The following RUNX1T1 variants were observed in gnomAD, a reference collection of about 807,000 sequenced individuals.
The protein encoded by RUNX1T1 is protein CBFA2T1.
Under a neutral mutation model 62.8 loss-of-function variants are expected in RUNX1T1, and 4 were observed. The ratio of observed to expected loss-of-function variants is 0.06; its 90% CI spans 0.03 to 0.15. RUNX1T1 has a LOEUF of 0.15. RUNX1T1 is among the 10% of genes least tolerant of loss of function. The pLI is 1.00. For synonymous variants in RUNX1T1, 291 were observed against 286.0 expected (o/e 1.02, Z -0.18); for missense variants, 508 against 754.3 (o/e 0.67, Z 3.82).
chr8:92,004,831 C>T, intron 5 of RUNX1T1: 3 of 291,186 alleles, frequency 1.0e-5, no homozygotes, highest in Non-Finnish European at 1.9e-5. Flanking sequence ...TAAGAGCCAT[C>T]AGTGGTACTT....
At chr8:92,099,420 A>C (rs1837939286) in intron 1 of RUNX1T1, among the ~76,000 whole-genome samples, 2 of 152,328 alleles carry the variant, frequency 1.3e-5, no homozygotes, top group South Asian at 2.1e-4. Context: ...TCCATAATAA[A>C]TAACTTCTAT....
upstream of RUNX1T1, among the ~76,000 whole-genome samples, chr8:92,067,791 T>C (rs1402085220): frequency 6.6e-6 from 1 of 152,208 alleles, no homozygotes; most frequent in Non-Finnish European, 1.5e-5. Context: ...ACAAAATCTA[T>C]ATCTGTAATT....
In RUNX1T1 at chr8:91,964,700, G is replaced by C. The variant is rs886278247; in HGVS notation, c.1459-4183C>G. ...AAATTAAAAATATTCTTTCTAAAAT[G>C]CCACACTTTGTCAACTTCAGATCTT... On this transcript the variant is annotated intron_variant, in intron 10 of 10. Coordinates refer to ENST00000396218, the Ensembl canonical transcript of RUNX1T1. Among the ~76,000 whole-genome samples the C allele has an allele frequency of 2.3e-4, 35 of 152,160 alleles. 1 individual carries two copies. Among genetic ancestry groups the C allele is most frequent in the African/African-American group, 8.4e-4 (35 of 41,430 alleles).
upstream of RUNX1T1, among the ~76,000 whole-genome samples, chr8:92,064,908 G>A (rs1832646137): frequency 1.3e-5 from 2 of 152,136 alleles, no homozygotes; most frequent in South Asian, 4.1e-4. Context: ...TCTGACTACA[G>A]TAATTGCCAC....
At chr8:92,057,481 G>A (rs1831225566) in intron 1 of RUNX1T1, among the ~76,000 whole-genome samples, 1 of 152,188 alleles carries the variant, frequency 6.6e-6, no homozygotes, top group Non-Finnish European at 1.5e-5. Context: ...AAATCAGAAA[G>A]TATACACAGT....
At chr8:92,082,243 T>C (rs1044311133) in intron 1 of RUNX1T1, among the ~76,000 whole-genome samples, 7 of 152,212 alleles carry the variant, frequency 4.6e-5, no homozygotes, top group African/African-American at 1.4e-4. Flanking sequence ...TGAAAGGTTT[T>C]GATAGTTTTC....
At chr8:92,081,355 C>T (rs1323051341) in intron 1 of RUNX1T1, 2 of 457,966 alleles carry the variant, frequency 4.4e-6, no homozygotes, top group Admixed American at 6.4e-5. Flanking sequence ...AAGCAAAGGT[C>T]ACTACTCAAA....
At chr8:92,098,646 AGC>A (rs1204642033) in intron 1 of RUNX1T1, among the ~76,000 whole-genome samples, 1 of 152,214 alleles carries the variant, frequency 6.6e-6, no homozygotes, top group East Asian at 1.9e-4. Context: ...GCAGCTACAT[AGC>A]GATTTATTCA....
intron 1 of RUNX1T1, among the ~76,000 whole-genome samples, chr8:92,060,537 A>G (rs1831761669): frequency 8.3e-6 from 1 of 120,230 alleles, no homozygotes; most frequent in African/African-American, 3.2e-5. Flanking sequence ...ATATATATAT[A>G]TATATATATA....
chr8:92,074,235 T>C (rs1215775315), intron 2 of RUNX1T1, among the ~76,000 whole-genome samples: 1 of 152,192 alleles, frequency 6.6e-6, no homozygotes, highest in Non-Finnish European at 1.5e-5. Context: ...TTCCAAATTA[T>C]ATTAAGATAT....
chr8:91,999,671 A>G (rs1301537809), intron 5 of RUNX1T1, among the ~76,000 whole-genome samples: 1 of 152,198 alleles, frequency 6.6e-6, no homozygotes, highest in Admixed American at 6.5e-5. Context: ...TAGTGAGGAA[A>G]GAAGTGCTAT....
chr8:92,081,227 C>T (rs971656062), intron 1 of RUNX1T1: 25 of 905,184 alleles, frequency 2.8e-5, no homozygotes, highest in Middle Eastern at 5.5e-4. Flanking sequence ...ACTTGTAAAG[C>T]GCCTACCTTA....
chr8:91,990,000 A>G (rs1817330686), intron 6 of RUNX1T1, among the ~76,000 whole-genome samples: 1 of 152,186 alleles, frequency 6.6e-6, no homozygotes, highest in African/African-American at 2.4e-5. Flanking sequence ...TCTTACAACC[A>G]AAGCCTCAAT....
Position 92,080,441 on chromosome 8 carries a change from G to A in RUNX1T1, c.-85-4304C>T, listed in dbSNP as rs565022511. Reference sequence around the variant, plus strand: ...CATGGAAATCACCCACGACATCCACGGCTATGAAGCCAGCCCTTTGTCCCA... The same window carrying A: ...CATGGAAATCACCCACGACATCCACAGCTATGAAGCCAGCCCTTTGTCCCA... On this transcript the variant is annotated intron_variant, in intron 1 of 11. Coordinates refer to the RUNX1T1 transcript ENST00000265814. 5.3e-5 allele frequency among the ~76,000 whole-genome samples: 8 copies of A among 152,296 alleles called. No individual in the cohort carries two copies. In the East Asian group the frequency reaches 1.2e-3, roughly 22 times the overall value.
At chr8:91,993,761 G>A (rs1215781110) in intron 5 of RUNX1T1, among the ~76,000 whole-genome samples, 2 of 152,104 alleles carry the variant, frequency 1.3e-5, no homozygotes, top group African/African-American at 4.8e-5. Flanking sequence ...CGAGGCCGAG[G>A]CGGGAGGATC....
intron 9 of RUNX1T1, among the ~76,000 whole-genome samples, chr8:91,973,471 G>T (rs550219318): frequency 1.4e-4 from 21 of 152,040 alleles, no homozygotes; most frequent in Admixed American, 8.5e-4. Context: ...AATTTTCTGT[G>T]AAAGTGGATG....
intron 1 of RUNX1T1, among the ~76,000 whole-genome samples, chr8:92,097,660 G>A (rs936876143): frequency 2.0e-5 from 3 of 152,058 alleles, no homozygotes; most frequent in Non-Finnish European, 1.5e-5. Flanking sequence ...CCCAGAAAAG[G>A]TTTGCTTTTT....
chr8:92,010,199 A>T (rs1472003188), intron 4 of RUNX1T1: 2 of 152,202 alleles, frequency 1.3e-5, no homozygotes, highest in Non-Finnish European at 2.9e-5. Context: ...GCTCATTTTG[A>T]AAGTGACCTT....
At chr8:92,090,897 T>C (rs1287699933) in intron 1 of RUNX1T1, among the ~76,000 whole-genome samples, 1 of 152,176 alleles carries the variant, frequency 6.6e-6, no homozygotes, top group African/African-American at 2.4e-5. Context: ...GTTAATCAAT[T>C]ACTTAAAATC....
Sources: allele counts gnomAD v4.1 joint callset (sites outside exome capture counted in the v4.1 genomes callset), GRCh38; gene constraint gnomAD v4.1.1; transcripts MANE v1.5; gene names NCBI Gene and HGNC (gene_info 2026-07-23, HGNC 2026-07-21).